Variants in VGLL3 observed in about 807,000 individuals in gnomAD.
The protein encoded by VGLL3 is vestigial like family member 3, also known as transcription cofactor vestigial-like protein 3.
In VGLL3, 18 loss-of-function variants were observed where a neutral mutation model predicts 29.2. The observed-to-expected ratio is 0.62, with a 90% confidence interval of 0.43 to 0.91. The LOEUF is 0.91. Among genes scored for constraint, VGLL3 ranks in the 40% least tolerant of loss-of-function variants. The pLI, the probability that VGLL3 is intolerant of heterozygous loss-of-function variation, is 0.00. For synonymous variants in VGLL3, 180 were observed against 151.8 expected, an observed-to-expected ratio of 1.19 and a Z score of -1.36; for missense variants, 440 against 413.2, an observed-to-expected ratio of 1.06 and a Z score of -0.56.
At chr3:86,983,361 T>C (rs1237736147) in intron 1 of VGLL3, among the ~76,000 whole-genome samples, 1 of 152,190 alleles carries the variant, frequency 6.6e-6, no homozygotes, top group African/African-American at 2.4e-5. Context: ...AGCACATTAC[T>C]CTGTGACCAT....
chr3:86,968,891 T>C lies in VGLL3; in HGVS notation c.636A>G (p.Thr212=), dbSNP rs757926091. 1.9e-6 allele frequency: 3 copies of C among 1,613,992 alleles called. No homozygotes were observed. The highest frequency in any genetic ancestry group is 2.5e-6 in the Non-Finnish European group (3 of 1,179,998). Residue 212 remains threonine, a synonymous_variant, in exon 3 of 4, where the codon ACA becomes ACG. Coordinates refer to ENST00000398399, the MANE Select transcript of VGLL3 (RefSeq NM_016206.4). ...GGCTGTAGGATGGGCTCACCTGAGA[T>C]GTCAAAGGATAAGGCCAGGACTCAG... ...AVSESWPYPL[T]SQVSPSYSHM...
chr3:86,943,025 GT>G lies in VGLL3; in HGVS notation c.*3998del, dbSNP rs1209177909. 2.0e-5 allele frequency: 3 copies of G among 152,050 alleles called. No homozygotes were observed. Among genetic ancestry groups the G allele is most frequent in the African/African-American group, 7.2e-5 (3 of 41,404 alleles). 9.4% of individuals were successfully genotyped at this position (152,050 alleles called of 1,614,324 possible). Reference sequence around the variant, plus strand: ...TGTGTGTGTGTCTGTGTGTGTGTGTGTGTGTATGTGATTTCCAACTTCCAGA... The same window carrying G: ...TGTGTGTGTGTCTGTGTGTGTGTGTGGTGTATGTGATTTCCAACTTCCAGA... On this transcript the variant is annotated 3_prime_UTR_variant, in exon 4 of 4. Transcript: ENST00000398399.
chr3:86,989,662 A>G (rs1018647962), intron 1 of VGLL3, among the ~76,000 whole-genome samples: 1 of 151,902 alleles, frequency 6.6e-6, no homozygotes, highest in Admixed American at 6.6e-5. Context: ...AAATCTAGTT[A>G]TTTTTTTTAA....
chr3:86,970,360 G>C (rs544674785), intron 2 of VGLL3, among the ~76,000 whole-genome samples: 7 of 152,198 alleles, frequency 4.6e-5, no homozygotes, highest in South Asian at 2.1e-4. Flanking sequence ...GAAGCACAGA[G>C]AGCCCCGACC....
At position 86,940,116 on chromosome 3, in the gene VGLL3, A is replaced by G. The variant is rs1704362753; in HGVS notation, c.*6908T>C. 6.6e-6 allele frequency: 1 copy of G among 152,210 alleles called. No homozygotes were observed. The highest frequency in any genetic ancestry group is 1.5e-5 in the Non-Finnish European group (1 of 68,038). The allele number at this position is 152,210 out of a possible 1,614,324, so 9.4% of individuals were successfully genotyped here. A position where few individuals can be genotyped will look rare whatever the true frequency, so the allele number is the denominator to read the frequency against. On this transcript the variant is annotated 3_prime_UTR_variant, in exon 4 of 4. Transcript: ENST00000398399. ...GTAATGCTGGAAAGTCTATTATTTAAATGCTGATTTTCAGACTTTAGTACT... is the reference window on the plus strand; with the variant it reads ...GTAATGCTGGAAAGTCTATTATTTAGATGCTGATTTTCAGACTTTAGTACT...
At chr3:86,956,688 G>A (rs147445675) in intron 3 of VGLL3, among the ~76,000 whole-genome samples, 2 of 151,672 alleles carry the variant, frequency 1.3e-5, no homozygotes, top group African/African-American at 4.8e-5. Context: ...AGGAGGCTGA[G>A]GCAGGAGAAT....
intron 3 of VGLL3, among the ~76,000 whole-genome samples, chr3:86,954,902 C>CAAAAAAAAAAAAAAAAAAAAA (rs879461102): frequency 3.1e-5 from 4 of 128,132 alleles, no homozygotes; most frequent in African/African-American, 1.2e-4. Context: ...GGAGCAAAAC[C>CAAAAAAAAAAAAAAAAAAAAA]AAAAAAAAAA....
chr3:86,949,115 C>G (rs1018577970), intron 3 of VGLL3, among the ~76,000 whole-genome samples: 1 of 152,140 alleles, frequency 6.6e-6, no homozygotes, highest in African/African-American at 2.4e-5. Flanking sequence ...GTTTGCCTGT[C>G]TTATTCTTGC....
intron 3 of VGLL3, among the ~76,000 whole-genome samples, chr3:86,961,453 T>C (rs946652990): frequency 6.6e-6 from 1 of 152,148 alleles, no homozygotes; most frequent in African/African-American, 2.4e-5. Flanking sequence ...ATGCCCGGAA[T>C]GATTATGACC....
chr3:86,949,933 A>G (rs1704584172), intron 3 of VGLL3, among the ~76,000 whole-genome samples: 1 of 152,210 alleles, frequency 6.6e-6, no homozygotes, highest in African/African-American at 2.4e-5. Flanking sequence ...AAGAGTCAAC[A>G]AGTACATTTA....
chr3:86,969,247 T>C (rs1705038554), intron 2 of VGLL3, 124 bp from the exon 3 acceptor site: 2 of 1,197,680 alleles, frequency 1.7e-6, no homozygotes, highest in Admixed American at 2.8e-5. Flanking sequence ...GCATGCACTC[T>C]TATTCTCCCC....
At chr3:86,970,685 G>A (rs565069009) in intron 2 of VGLL3, among the ~76,000 whole-genome samples, 1 of 152,250 alleles carries the variant, frequency 6.6e-6, no homozygotes, top group Non-Finnish European at 1.5e-5. Context: ...AATGGGCTTT[G>A]AAGGGTTTTA....
intron 2 of VGLL3, among the ~76,000 whole-genome samples, chr3:86,975,257 T>G (rs931227715): frequency 8.5e-5 from 13 of 152,174 alleles, no homozygotes; most frequent in African/African-American, 3.1e-4. Flanking sequence ...ACTCTCTCAT[T>G]TTATGAGAAT....
At chr3:86,988,667 A>AAAAAAAAAAAAAAAAAAAAAC (rs1705506958) in intron 1 of VGLL3, among the ~76,000 whole-genome samples, 1 of 36,392 alleles carries the variant, frequency 2.7e-5, no homozygotes, top group Non-Finnish European at 6.6e-5. Context: ...AAAAAAAAAA[A>AAAAAAAAAAAAAAAAAAAAAC]AAAAAAAAAA....
chr3:86,988,677 A>G (rs1477802172), intron 1 of VGLL3, among the ~76,000 whole-genome samples: 8,659 of 135,480 alleles, frequency 0.064, 1,240 homozygotes, highest in African/African-American at 0.2. Flanking sequence ...AAAAAAAAAA[A>G]AAAAAAAAGA....
At chr3:86,966,620 G>C (rs925883259) in intron 3 of VGLL3, among the ~76,000 whole-genome samples, 1 of 151,350 alleles carries the variant, frequency 6.6e-6, no homozygotes, top group Non-Finnish European at 1.5e-5. Context: ...ATCTCTCAGA[G>C]AGGGACACGT....
At chr3:86,963,310 A>T (rs897478621) in intron 3 of VGLL3, among the ~76,000 whole-genome samples, 2 of 152,250 alleles carry the variant, frequency 1.3e-5, no homozygotes, top group Non-Finnish European at 2.9e-5. Flanking sequence ...ACTTGAAAAC[A>T]TTACACAAAG....
chr3:86,986,671 T>C (rs953718899), intron 1 of VGLL3, among the ~76,000 whole-genome samples: 1 of 152,192 alleles, frequency 6.6e-6, no homozygotes, highest in African/African-American at 2.4e-5. Context: ...CTACTTTGGT[T>C]ATAACTGTAT....
intron 3 of VGLL3, among the ~76,000 whole-genome samples, chr3:86,960,083 T>C (rs1315980743): frequency 1.3e-5 from 2 of 152,134 alleles, no homozygotes; most frequent in African/African-American, 4.8e-5. Context: ...TAGATTTCAT[T>C]ATAAAGCATC....
Sources: allele counts gnomAD v4.1 joint callset (sites outside exome capture counted in the v4.1 genomes callset), GRCh38; gene constraint gnomAD v4.1.1; transcripts MANE v1.5; gene names NCBI Gene and HGNC (gene_info 2026-07-23, HGNC 2026-07-21).